Variants in CLYBL observed in about 807,000 individuals in gnomAD.
CLYBL encodes citramalyl-CoA lyase, mitochondrial.
Under a neutral mutation model 38.9 loss-of-function variants are expected in CLYBL, and 31 were observed. The ratio of observed to expected loss-of-function variants is 0.80; its 90% confidence interval spans 0.60 to 1.08. CLYBL has a LOEUF of 1.08. Among genes scored for constraint, CLYBL ranks in the 50% least tolerant of loss-of-function variants. The probability of loss-of-function intolerance (pLI) is 0.00; values close to 1 mark genes in which losing one functional copy is unlikely to be tolerated. For missense variants in CLYBL, 434 were observed against 411.6 expected, an observed-to-expected ratio of 1.05 and a Z score of -0.47; for synonymous variants, 171 against 158.6, an observed-to-expected ratio of 1.08 and a Z score of -0.59.
intron 1 of CLYBL, among the ~76,000 whole-genome samples, chr13:99,748,420 T>C (rs1420253676): frequency 8.9e-5 from 13 of 146,452 alleles, no homozygotes. Flanking sequence ...ACTATCACTC[T>C]AGTTTTGTGT....
chr13:99,643,723 A>G (rs1048135954), intron 1 of CLYBL, among the ~76,000 whole-genome samples: 2 of 152,142 alleles, frequency 1.3e-5, no homozygotes, highest in African/African-American at 4.8e-5. Context: ...AAAATGAACC[A>G]TAGGCCCGGC....
chr13:99,836,575 C>G lies in CLYBL; in HGVS notation c.250-22286C>G, dbSNP rs375812802. ...AGGACAAAGTCCCAGTTTCAGGGCT[C>G]TGCATGGTGATGCCACGGTGCCACA... is the stretch of plus-strand genomic sequence containing the variant. On this transcript the variant is annotated intron_variant, in intron 2 of 8. Coordinates refer to ENST00000339105, the MANE Select transcript of CLYBL (RefSeq NM_206808.5). 3.3e-5 allele frequency among the ~76,000 whole-genome samples: 5 copies of G among 152,330 alleles called. No individual in the cohort carries two copies. In the East Asian group the frequency reaches 7.7e-4, roughly 23 times the overall value.
At chr13:99,816,016 C>T (rs2050439739) in intron 2 of CLYBL, among the ~76,000 whole-genome samples, 1 of 152,222 alleles carries the variant, frequency 6.6e-6, no homozygotes, top group African/African-American at 2.4e-5. Context: ...TCCAGTCAAA[C>T]AACTTAACAT....
intron 1 of CLYBL, among the ~76,000 whole-genome samples, chr13:99,742,168 C>G (rs1329765260): frequency 2.0e-5 from 3 of 152,170 alleles, no homozygotes; most frequent in African/African-American, 7.2e-5. Flanking sequence ...CGCTATGGAG[C>G]ACTCGGTTCC....
chr13:99,668,280 A>C (rs1249088006), intron 1 of CLYBL, among the ~76,000 whole-genome samples: 1 of 148,972 alleles, frequency 6.7e-6, no homozygotes, highest in Non-Finnish European at 1.5e-5. Flanking sequence ...TCTTAAAAAA[A>C]AAAAATCTTT....
chr13:99,610,749 T>C (rs973074381), intron 1 of CLYBL, among the ~76,000 whole-genome samples: 23 of 152,184 alleles, frequency 1.5e-4, no homozygotes, highest in African/African-American at 4.8e-4. Context: ...GTGCGTGGCC[T>C]CCTAGAGTCT....
intron 2 of CLYBL, among the ~76,000 whole-genome samples, chr13:99,826,873 T>C (rs949695109): frequency 1.3e-5 from 2 of 152,218 alleles, no homozygotes; most frequent in Non-Finnish European, 2.9e-5. Flanking sequence ...GAGCTGGAGT[T>C]GTCTCGGGGC....
At chr13:99,871,086 G>T (rs771192965) in intron 7 of CLYBL, 24 bp downstream of exon 7, 16 of 1,611,940 alleles carry the variant, frequency 9.9e-6, no homozygotes, top group African/African-American at 6.7e-5. Flanking sequence ...TAATGCCTTG[G>T]GTGAGAGCAG....
At chr13:99,619,716 A>G (rs546642581) in intron 1 of CLYBL, among the ~76,000 whole-genome samples, 1 of 152,302 alleles carries the variant, frequency 6.6e-6, no homozygotes, top group African/African-American at 2.4e-5. Flanking sequence ...CAAGGCCCTT[A>G]TCTAGATTGT....
intron 1 of CLYBL, among the ~76,000 whole-genome samples, chr13:99,729,190 T>G (rs1292588639): frequency 6.6e-6 from 1 of 152,234 alleles, no homozygotes; most frequent in African/African-American, 2.4e-5. Context: ...TTTAAAAGTG[T>G]GAGGCCTAAA....
chr13:99,636,979 A>C (rs1244111912), intron 1 of CLYBL, among the ~76,000 whole-genome samples: 2 of 152,134 alleles, frequency 1.3e-5, no homozygotes, highest in Non-Finnish European at 2.9e-5. Context: ...AGCCAGGCTC[A>C]AGCAATTCTC....
At chr13:99,718,429 G>A (rs1392107487) in intron 1 of CLYBL, among the ~76,000 whole-genome samples, 1 of 151,090 alleles carries the variant, frequency 6.6e-6, no homozygotes, top group Non-Finnish European at 1.5e-5. Flanking sequence ...TCCTTCTGGA[G>A]AATCTGCATT....
At chr13:99,768,079 C>T (rs4772242) in intron 1 of CLYBL, among the ~76,000 whole-genome samples, 42,221 of 151,938 alleles carry the variant, frequency 0.28, 7,705 homozygotes, top group Non-Finnish European at 0.42. Flanking sequence ...TTCTCCCCCT[C>T]CCCTGGGCTC....
chr13:99,614,291 C>A (rs968031947), intron 1 of CLYBL, among the ~76,000 whole-genome samples: 3 of 152,018 alleles, frequency 2.0e-5, no homozygotes, highest in Admixed American at 1.3e-4. Flanking sequence ...ATTCAGAATG[C>A]TTTAATGGAG....
chr13:99,904,856 CAA>C (rs1594258234), intron 8 of CLYBL, among the ~76,000 whole-genome samples: 1 of 152,176 alleles, frequency 6.6e-6, no homozygotes, highest in African/African-American at 2.4e-5. Context: ...CTGGGGGTCT[CAA>C]GAGAGCAAAA....
chr13:99,620,790 GAAAA>G (rs1022557492), intron 1 of CLYBL, among the ~76,000 whole-genome samples: 1 of 108,720 alleles, frequency 9.2e-6, no homozygotes, highest in Middle Eastern at 4.3e-3. Flanking sequence ...AAGAAAGAAA[GAAAA>G]AGAGAGAGAG....
chr13:99,779,890 T>G (rs2049603686), intron 2 of CLYBL, among the ~76,000 whole-genome samples: 1 of 152,244 alleles, frequency 6.6e-6, no homozygotes, highest in Non-Finnish European at 1.5e-5. Context: ...TTTGTCATTC[T>G]GCTTCATGAC....
intron 1 of CLYBL, among the ~76,000 whole-genome samples, chr13:99,622,936 A>G (rs2046818880): frequency 6.6e-6 from 1 of 152,060 alleles, no homozygotes; most frequent in Admixed American, 6.5e-5. Context: ...GGCTTGAGTG[A>G]TTCCCCCTGC....
intron 2 of CLYBL, among the ~76,000 whole-genome samples, chr13:99,796,757 C>T (rs555410129): frequency 6.6e-6 from 1 of 152,300 alleles, no homozygotes; most frequent in African/African-American, 2.4e-5. Flanking sequence ...GGTTCCCCAT[C>T]TCAAGTTGCC....
Sources: gnomAD v4.1 joint callset for allele counts (sites outside exome capture counted in the v4.1 genomes callset) on GRCh38, gnomAD v4.1.1 for gene constraint, MANE v1.5 for transcripts, NCBI Gene and HGNC (gene_info 2026-07-23, HGNC 2026-07-21) for gene names.